Variants in MGAT4C observed in about 807,000 individuals in gnomAD.
MGAT4C encodes the protein alpha-1,3-mannosyl-glycoprotein 4-beta-N-acetylglucosaminyltransferase C.
A neutral mutation model predicts 40.1 loss-of-function variants in MGAT4C; 19 were observed. The ratio of observed to expected loss-of-function variants is 0.47; its 90% CI spans 0.33 to 0.70. The LOEUF is 0.70. Ranked by LOEUF, MGAT4C falls within the 30% of genes least tolerant of loss-of-function variation. The probability of loss-of-function intolerance (pLI) is 0.02; values close to 1 mark genes in which losing one functional copy is unlikely to be tolerated. For synonymous variants in MGAT4C, 181 were observed against 187.1 expected (o/e 0.97, Z 0.27); for missense variants, 491 against 563.2 (o/e 0.87, Z 1.30).
At chr12:86,098,617 A>G (rs963719212) in intron 1 of MGAT4C, among the ~76,000 whole-genome samples, 4 of 151,772 alleles carry the variant, frequency 2.6e-5, no homozygotes, top group Admixed American at 2.6e-4. Flanking sequence ...CATATTAAGT[A>G]GTCAGTCCTC....
chr12:86,794,101 T>C (rs1952071668), intron 1 of MGAT4C, among the ~76,000 whole-genome samples: 1 of 151,910 alleles, frequency 6.6e-6, no homozygotes, highest in African/African-American at 2.4e-5. Flanking sequence ...TTATGGTGCA[T>C]AATACAATGA....
intron 4 of MGAT4C, among the ~76,000 whole-genome samples, chr12:86,328,012 T>C (rs1424838068): frequency 2.6e-5 from 4 of 152,218 alleles, no homozygotes; most frequent in Admixed American, 6.5e-5. Context: ...TTTCAAAGTT[T>C]GTGTCTTGAA....
chr12:86,577,045 T>G (rs1960591453), intron 2 of MGAT4C, among the ~76,000 whole-genome samples: 1 of 151,746 alleles, frequency 6.6e-6, no homozygotes, highest in Non-Finnish European at 1.5e-5. Context: ...TTATGTTAAT[T>G]CCTAGTTATT....
At chr12:86,596,431 T>C (rs2136454503) in intron 2 of MGAT4C, among the ~76,000 whole-genome samples, 1 of 152,306 alleles carries the variant, frequency 6.6e-6, no homozygotes, top group South Asian at 2.1e-4. Context: ...CGTGAAATTG[T>C]AAGGCCAGGT....
chr12:86,449,041 C>G (rs929695091), intron 2 of MGAT4C, among the ~76,000 whole-genome samples: 2 of 152,012 alleles, frequency 1.3e-5, no homozygotes. Flanking sequence ...GAAAAGAGAG[C>G]AGAGGTATAT....
intron 2 of MGAT4C, among the ~76,000 whole-genome samples, chr12:86,657,472 GA>G: frequency 6.6e-6 from 1 of 151,626 alleles, no homozygotes; most frequent in Non-Finnish European, 1.5e-5. Flanking sequence ...TCAGATTATA[GA>G]AAAAAAGAAA....
chr12:86,460,629 G>C (rs1487947905), intron 2 of MGAT4C, among the ~76,000 whole-genome samples: 1 of 151,968 alleles, frequency 6.6e-6, no homozygotes, highest in African/African-American at 2.4e-5. Flanking sequence ...GCATGTGTGT[G>C]TCTTTGTGTG....
chr12:86,391,518 C>CA (rs1285252808), intron 3 of MGAT4C, among the ~76,000 whole-genome samples: 3 of 152,100 alleles, frequency 2.0e-5, no homozygotes, highest in Non-Finnish European at 2.9e-5. Context: ...GGATAAGGTC[C>CA]AGTTGTAATA....
At chr12:86,194,456 A>AC (rs1555244619) in intron 1 of MGAT4C, among the ~76,000 whole-genome samples, 1 of 142,798 alleles carries the variant, frequency 7.0e-6, no homozygotes, top group African/African-American at 2.6e-5. Context: ...GAGCAAATCA[A>AC]TTTTTTTTTT....
At chr12:86,001,743 G>T in intron 2 of MGAT4C, 1 of 574,534 alleles carries the variant, frequency 1.7e-6, no homozygotes, top group Non-Finnish European at 2.2e-6. Context: ...CTTTGAGTGG[G>T]AATTTACTTC....
chr12:86,572,058 C>A (rs1960390387), intron 2 of MGAT4C, among the ~76,000 whole-genome samples: 1 of 152,048 alleles, frequency 6.6e-6, no homozygotes, highest in African/African-American at 2.4e-5. Context: ...TATCTTTACT[C>A]ATTTGAACTT....
chr12:86,602,007 C>T (rs1389303093), intron 2 of MGAT4C, among the ~76,000 whole-genome samples: 1 of 152,148 alleles, frequency 6.6e-6, no homozygotes, highest in Non-Finnish European at 1.5e-5. Context: ...GCGCCTGCAG[C>T]GGAAGCCGCG....
chr12:86,663,641 A>G (rs1964033696), intron 2 of MGAT4C, among the ~76,000 whole-genome samples: 2 of 152,178 alleles, frequency 1.3e-5, no homozygotes, highest in Non-Finnish European at 2.9e-5. Context: ...TGACAACCAT[A>G]GAAAACTCAG....
chr12:86,816,275 A>C (rs1952605343), intron 1 of MGAT4C, among the ~76,000 whole-genome samples: 1 of 151,620 alleles, frequency 6.6e-6, no homozygotes, highest in Non-Finnish European at 1.5e-5. Context: ...TCTTTTTATA[A>C]TTGTGTGTCA....
At chr12:86,030,849 G>T (rs149594415) in intron 2 of MGAT4C, among the ~76,000 whole-genome samples, 1 of 151,704 alleles carries the variant, frequency 6.6e-6, no homozygotes, top group South Asian at 2.1e-4. Context: ...CCAAGTGACC[G>T]ATTTAATTTG....
intron 4 of MGAT4C, among the ~76,000 whole-genome samples, chr12:86,309,245 C>T (rs1171265399): frequency 7.1e-6 from 1 of 141,170 alleles, no homozygotes; most frequent in Non-Finnish European, 1.5e-5. Context: ...TGAGCAAAAA[C>T]CTGGACGCAA....
intron 2 of MGAT4C, among the ~76,000 whole-genome samples, chr12:86,559,822 A>C (rs1187368355): frequency 6.6e-6 from 1 of 151,998 alleles, no homozygotes; most frequent in Non-Finnish European, 1.5e-5. Context: ...AAATTAGAGA[A>C]TAAAGAAACA....
At chr12:86,753,856 T>C (rs535486700) in intron 1 of MGAT4C, among the ~76,000 whole-genome samples, 1 of 152,012 alleles carries the variant, frequency 6.6e-6, no homozygotes, top group Non-Finnish European at 1.5e-5. Context: ...AGATTGACCA[T>C]ACTAAGTGTT....
intron 3 of MGAT4C, among the ~76,000 whole-genome samples, chr12:86,365,089 A>G: frequency 6.6e-6 from 1 of 152,114 alleles, no homozygotes; most frequent in East Asian, 1.9e-4. Flanking sequence ...AGCTTCGACC[A>G]TAAAAGACGG....
Sources: gnomAD v4.1 joint callset for allele counts (sites outside exome capture counted in the v4.1 genomes callset) on GRCh38, gnomAD v4.1.1 for gene constraint, MANE v1.5 for transcripts, NCBI Gene and HGNC (gene_info 2026-07-23, HGNC 2026-07-21) for gene names.